SH3PXD2A: variants seen among roughly 807,000 people sequenced by gnomAD.
SH3PXD2A encodes SH3 and PX domains 2A, also known as SH3 and PX domain-containing protein 2A.
SH3PXD2A carries 32 observed loss-of-function variants against 115.2 expected under a neutral mutation model. That is an observed-to-expected ratio of 0.28 (90% confidence interval 0.21 to 0.37). The LOEUF is 0.37. SH3PXD2A is among the 10% of genes least tolerant of loss of function. The pLI is 1.00. For synonymous variants in SH3PXD2A, 610 were observed against 629.1 expected (o/e 0.97, Z 0.45); for missense variants, 1,328 against 1,498.7 (o/e 0.89, Z 1.88).
At chr10:103,831,183 T>G (rs2039479607) in intron 1 of SH3PXD2A, among the ~76,000 whole-genome samples, 1 of 152,246 alleles carries the variant, frequency 6.6e-6, no homozygotes, top group Non-Finnish European at 1.5e-5. Context: ...TCAGAGATAA[T>G]ATTCTACTTC....
chr10:103,668,663 C>T lies in SH3PXD2A; in HGVS notation c.428-11G>A, dbSNP rs1176363626. On this transcript the variant is annotated splice_polypyrimidine_tract_variant and intron_variant, in intron 6 of 14. Coordinates refer to ENST00000369774, the MANE Select transcript of SH3PXD2A (RefSeq NM_001394015.1). ...AGCTGGACAGCCACACTTCCGAGTC[C>T]CCGAGAGCAAGCGGCAGCAGGAGAG... 6.4e-7 allele frequency: 1 copy of T among 1,558,218 alleles called. No individual in the cohort carries two copies. Among genetic ancestry groups the T allele is most frequent in the East Asian group, 2.4e-5 (1 of 42,000 alleles).
At chr10:103,724,561 C>A (rs760476190) in intron 4 of SH3PXD2A, among the ~76,000 whole-genome samples, 200 bp from the exon 5 acceptor site, 5 of 151,658 alleles carry the variant, frequency 3.3e-5, no homozygotes, top group Middle Eastern at 6.8e-3. Flanking sequence ...AAACAACCAA[C>A]CTTCCTTCCT....
At chr10:103,750,251 C>G (rs1410282371) in intron 3 of SH3PXD2A, among the ~76,000 whole-genome samples, 2 of 152,132 alleles carry the variant, frequency 1.3e-5, no homozygotes, top group Non-Finnish European at 2.9e-5. Context: ...ATGGGGGTCT[C>G]TATGTTGCCC....
rs1026841895 is a variant in SH3PXD2A, at chr10:103,769,197, T to G, written c.154-2028A>C. Among the ~76,000 whole-genome samples, 8 of 148,974 alleles carry G rather than the reference T, an allele frequency of 5.4e-5. 1 individual carries two copies. The highest frequency in any genetic ancestry group is 5.3e-4 in the Admixed American group (8 of 15,042). On this transcript the variant is annotated intron_variant, in intron 2 of 14. Coordinates refer to ENST00000369774, the MANE Select transcript of SH3PXD2A (RefSeq NM_001394015.1). ...GTGTGTGTGTGCGCGCGCGCGCGCATTTATTTCCATCCATCCATCCGTTTG... is the reference window on the plus strand; with the variant it reads ...GTGTGTGTGTGCGCGCGCGCGCGCAGTTATTTCCATCCATCCATCCGTTTG...
chr10:103,630,985 G>A (rs2036771353), intron 8 of SH3PXD2A, among the ~76,000 whole-genome samples: 2 of 152,240 alleles, frequency 1.3e-5, no homozygotes, highest in Admixed American at 1.3e-4. Context: ...ATGGTACCAA[G>A]CCCTTATATA....
At chr10:103,796,665 G>A (rs947684778) in intron 2 of SH3PXD2A, among the ~76,000 whole-genome samples, 4 of 152,004 alleles carry the variant, frequency 2.6e-5, no homozygotes, top group African/African-American at 9.7e-5. Flanking sequence ...CTCAGCACAG[G>A]CCCATCCACT....
intron 11 of SH3PXD2A, among the ~76,000 whole-genome samples, chr10:103,615,527 T>TGTGC (rs2036503926): frequency 8.2e-6 from 1 of 121,534 alleles, no homozygotes; most frequent in Non-Finnish European, 1.8e-5. Flanking sequence ...TGTGTGTGTG[T>TGTGC]GTGTAGGGGT....
chr10:103,617,909 C>T (rs541683622), intron 10 of SH3PXD2A, among the ~76,000 whole-genome samples: 2 of 152,162 alleles, frequency 1.3e-5, no homozygotes, highest in Non-Finnish European at 2.9e-5. Context: ...CATGTAATCT[C>T]CCAAGAGGAG....
chr10:103,629,909 G>A (rs1228887761), intron 8 of SH3PXD2A, among the ~76,000 whole-genome samples: 2 of 152,256 alleles, frequency 1.3e-5, no homozygotes, highest in East Asian at 3.8e-4. Context: ...ATGGATGCAG[G>A]GAGCATTTCA....
intron 2 of SH3PXD2A, among the ~76,000 whole-genome samples, chr10:103,799,691 T>G (rs1206740253): frequency 6.6e-6 from 1 of 152,224 alleles, no homozygotes; most frequent in African/African-American, 2.4e-5. Context: ...CCCCTCCAGC[T>G]CATCAATGAG....
intron 8 of SH3PXD2A, among the ~76,000 whole-genome samples, chr10:103,646,312 C>A (rs745421443): frequency 1.3e-4 from 20 of 152,048 alleles, no homozygotes; most frequent in Non-Finnish European, 2.9e-4. Flanking sequence ...TTCTTGGTTC[C>A]CAAGAATTGG....
chr10:103,639,622 A>AG (rs2036920899), intron 8 of SH3PXD2A, among the ~76,000 whole-genome samples: 1 of 90,562 alleles, frequency 1.1e-5, no homozygotes, highest in African/African-American at 4.4e-5. Context: ...AAAAAAAAAA[A>AG]AAAAGAAAAA....
At chr10:103,655,870 A>G (rs1205247596) in intron 8 of SH3PXD2A, among the ~76,000 whole-genome samples, 1 of 152,070 alleles carries the variant, frequency 6.6e-6, no homozygotes, top group Non-Finnish European at 1.5e-5. Context: ...ATTAGACTCT[A>G]AGCTCCATAA....
At chr10:103,661,895 G>A (rs1051031567) in intron 7 of SH3PXD2A, 7 of 985,044 alleles carry the variant, frequency 7.1e-6, no homozygotes, top group Admixed American at 1.2e-4. Flanking sequence ...AGCGGCTGGC[G>A]AGCCCAGCCC....
rs543627417 is a variant in SH3PXD2A, at chr10:103,602,461, G to A, written c.2757C>T (p.Asn919=). ...LDTVPAKGRQ[N]EGKSDSLEKI... ...TCTCCAGGCTGTCTGATTTGCCTTC[G>A]TTCTGCCTGCCCTTGGCGGGCACTG... The change falls in exon 15 of 15, where the codon AAC becomes AAT. Residue 919 remains asparagine (N), a synonymous_variant. Transcript: ENST00000369774. 44 of 1,614,008 alleles carry A rather than the reference G, an allele frequency of 2.7e-5. No individual in the cohort carries two copies. The highest frequency in any genetic ancestry group is 3.6e-5 in the Non-Finnish European group (42 of 1,180,014).
At chr10:103,742,956 T>A (rs752681) in intron 3 of SH3PXD2A, among the ~76,000 whole-genome samples, 48,501 of 151,728 alleles carry the variant, frequency 0.32, 9,160 homozygotes, top group African/African-American at 0.54. Flanking sequence ...CCTCCCCCCC[T>A]CAAGGGTGAC....
At chr10:103,740,525 G>A (rs943910015) in intron 3 of SH3PXD2A, among the ~76,000 whole-genome samples, 18 of 152,192 alleles carry the variant, frequency 1.2e-4, no homozygotes, top group African/African-American at 4.1e-4. Context: ...ACCAGACACA[G>A]TACCACTGGC....
intron 14 of SH3PXD2A, among the ~76,000 whole-genome samples, chr10:103,604,374 T>G (rs1271890467): frequency 6.6e-6 from 1 of 152,200 alleles, no homozygotes; most frequent in African/African-American, 2.4e-5. Flanking sequence ...CTGAAGAGAT[T>G]TCTTTGGGTT....
In SH3PXD2A at chr10:103,600,827, G is replaced by GAAACAA. The variant is rs150963109; in HGVS notation, c.*983_*988dup. 1 of 152,136 alleles carries GAAACAA rather than the reference G, an allele frequency of 6.6e-6. No homozygotes were observed. The highest frequency in any genetic ancestry group is 2.4e-5 in the African/African-American group (1 of 41,408). The allele number at this position is 152,136 out of a possible 1,614,324, so 9.4% of individuals were successfully genotyped here. A position where few individuals can be genotyped will look rare whatever the true frequency, so the allele number is the denominator to read the frequency against. On this transcript the variant is annotated 3_prime_UTR_variant, in exon 15 of 15. Coordinates refer to ENST00000369774, the MANE Select transcript of SH3PXD2A (RefSeq NM_001394015.1). ...TTGGCTTGTGGAGGGGGAAGAATGT[G>GAAACAA]AAACAAAAACAAAAGCAAAATCACC...
Sources: allele counts gnomAD v4.1 joint callset (sites outside exome capture counted in the v4.1 genomes callset), GRCh38; gene constraint gnomAD v4.1.1; transcripts MANE v1.5; gene names NCBI Gene and HGNC (gene_info 2026-07-23, HGNC 2026-07-21).